The following SBF1 variants were observed in gnomAD, a reference collection of about 807,000 sequenced individuals.
The protein encoded by SBF1 is myotubularin-related protein 5.
Under a neutral mutation model 215.8 loss-of-function variants are expected in SBF1, and 65 were observed. The observed-to-expected ratio is 0.30, with a 90% CI of 0.25 to 0.37. SBF1 has a LOEUF of 0.37. Among genes scored for constraint, SBF1 ranks in the 10% least tolerant of loss-of-function variants. The pLI is 1.00. For synonymous variants in SBF1, 1,410 were observed against 1,122.8 expected, an observed-to-expected ratio of 1.26 and a Z score of -5.11; for missense variants, 2,634 against 2,667.8, an observed-to-expected ratio of 0.99 and a Z score of 0.28.
At chr22:50,473,084 G>C (rs964097314) in intron 1 of SBF1, among the ~76,000 whole-genome samples, 1 of 152,122 alleles carries the variant, frequency 6.6e-6, no homozygotes, top group Non-Finnish European at 1.5e-5. Flanking sequence ...GTCACAGCCA[G>C]CTTGTTGTGG....
rs1478217040 is a variant in SBF1, at chr22:50,446,873, G to A, written c.*269C>T. Reference sequence around the variant, plus strand: ...TCGCCTGCAGCCGCTGGCTGGACCAGCACACGCTGACGGGGCCGGACTATT... The same window carrying A: ...TCGCCTGCAGCCGCTGGCTGGACCAACACACGCTGACGGGGCCGGACTATT... On this transcript the variant is annotated 3_prime_UTR_variant, in exon 41 of 41. Transcript: ENST00000380817. The A allele has an allele frequency of 6.7e-6, 5 of 744,344 alleles. No homozygotes were observed. Among genetic ancestry groups the A allele is most frequent in the South Asian group, 1.4e-5 (1 of 72,268 alleles). 46.1% of individuals were successfully genotyped at this position (744,344 alleles called of 1,614,324 possible). A position where few individuals can be genotyped will look rare whatever the true frequency, so the allele number is the denominator to read the frequency against.
chr22:50,451,166 C>CAAAAAAAA (rs58188399), intron 36 of SBF1, among the ~76,000 whole-genome samples: 13 of 83,182 alleles, frequency 1.6e-4, no homozygotes, highest in African/African-American at 5.3e-4. Flanking sequence ...CCCATCTCTA[C>CAAAAAAAA]AAAAAAAAAA....
chr22:50,467,683 G>T lies in SBF1; in HGVS notation c.287C>A (p.Thr96Lys). Residue 96 changes from threonine to lysine, a missense_variant, in exon 4 of 41, where the codon ACG becomes AAG. Physicochemically the swap from Thr to Lys is moderately conservative, Grantham distance 78 (BLOSUM62 -1). Coordinates refer to ENST00000380817, the MANE Select transcript of SBF1 (RefSeq NM_002972.4). Reference protein sequence around the residue: ...WEPAEPSQETTRVEDATEREE... With the variant: ...WEPAEPSQETKRVEDATEREE... Reference sequence around the variant, plus strand: ...CCTCTCTGTGGCATCCTCCACGCGCGTCGTTTCCTGCTGGGGGTCAGGGGG... The same window carrying T: ...CCTCTCTGTGGCATCCTCCACGCGCTTCGTTTCCTGCTGGGGGTCAGGGGG... The T allele has an allele frequency of 6.2e-7, 1 of 1,611,698 alleles. No homozygotes were observed. The highest frequency in any genetic ancestry group is 8.5e-7 in the Non-Finnish European group (1 of 1,178,916).
chr22:50,449,629 C>CAA (rs1246806638), intron 36 of SBF1, among the ~76,000 whole-genome samples: 1 of 123,798 alleles, frequency 8.1e-6, no homozygotes, highest in Non-Finnish European at 1.9e-5. Flanking sequence ...CACACAAACA[C>CAA]ACACACACAC....
intron 5 of SBF1, 94 bp from the exon 6 acceptor site, chr22:50,466,804 C>G (rs1490923551): frequency 1.2e-6 from 1 of 852,200 alleles, no homozygotes; most frequent in Non-Finnish European, 1.8e-6. Context: ...CCCTGGTGTA[C>G]TGACAGACCC....
rs760939696 is a variant in SBF1 at position 50,460,807 on chromosome 22, TGACA to T, written c.2968-99_2968-96del. On this transcript the variant is annotated intron_variant, in intron 23 of 40. Transcript: ENST00000380817. ...CAGGCTCCCCTTCCCCTCGCAGCCATGACAGAGAGAGAAGCAGGCCCCAGGCAAA... is the reference window on the plus strand; with the variant it reads ...CAGGCTCCCCTTCCCCTCGCAGCCATGAGAGAGAAGCAGGCCCCAGGCAAA... The T allele has an allele frequency of 8.5e-5, 115 of 1,353,988 alleles. 1 individual carries two copies. Among genetic ancestry groups the T allele is most frequent in the Non-Finnish European group, 1.1e-4 (109 of 975,062 alleles). The allele number at this position is 1,353,988 out of a possible 1,614,324, so 83.9% of individuals were successfully genotyped here.
At position 50,447,411 on chromosome 22, in the gene SBF1, C is replaced by A. The variant is rs764921921; in HGVS notation, c.5494G>T (p.Val1832Phe). ...GCCTCCACCTCCGCCAAGTCGATGA[C>A]ACCCTTGCACTCTGTGTCCACACGG... is the stretch of plus-strand genomic sequence containing the variant. ...DHRVDTECKG[V>F]IDLAEVEAVA... The change falls in exon 40 of 41, where the codon GTC becomes TTC. Residue 1832 changes from valine to phenylalanine, a missense_variant. Transcript: ENST00000380817. The A allele has an allele frequency of 1.2e-6, 2 of 1,614,082 alleles. No homozygotes were observed. Among genetic ancestry groups the A allele is most frequent in the South Asian group, 2.2e-5 (2 of 91,084 alleles).
In SBF1 at chr22:50,467,921, A is replaced by C. The variant is rs773077750; in HGVS notation, c.144T>G (p.Phe48Leu). Residue 48 changes from phenylalanine to leucine, a missense_variant and splice_region_variant, in exon 3 of 41, where the codon TTT (phenylalanine) becomes TTG (leucine). Physicochemically the swap from Phe to Leu is conservative, Grantham distance 22. Transcript: ENST00000380817. ...ACAGCTGCCACCCGCTGGGCTGGCA[A>C]AACTGCAGGGAAGGCTCAGCAGTCA... is the stretch of plus-strand genomic sequence containing the variant. Reference protein sequence around the residue: ...DNPFPQGIELFCQPSGWQLCP... With the variant: ...DNPFPQGIELLCQPSGWQLCP... 1 of 1,613,750 alleles carries C rather than the reference A, an allele frequency of 6.2e-7. No homozygotes were observed. The highest frequency in any genetic ancestry group is 1.7e-4 in the Middle Eastern group (1 of 6,050).
At position 50,465,003 on chromosome 22, in the gene SBF1, C is replaced by T. The variant is rs1055574309; in HGVS notation, c.1330G>A (p.Glu444Lys). Reference sequence around the variant, plus strand: ...GGGAGGGCAGGGTGGAGGTGCACCTCATCGAACAGGTCCGTAGGGCGGTAT... The same window carrying T: ...GGGAGGGCAGGGTGGAGGTGCACCTTATCGAACAGGTCCGTAGGGCGGTAT... The part of the protein sequence containing the change: ...VPYRPTDLFD[E>K]LVAHEVARMR... Residue 444 changes from glutamate to lysine, a missense_variant and splice_region_variant, in exon 12 of 41, where the codon GAG (glutamate) becomes AAG (lysine). Physicochemically the swap from Glu to Lys is moderately conservative, Grantham distance 56. Coordinates refer to ENST00000380817, the MANE Select transcript of SBF1 (RefSeq NM_002972.4). The T allele has an allele frequency of 6.2e-7, 1 of 1,613,848 alleles. No homozygotes were observed. Among genetic ancestry groups the T allele is most frequent in the African/African-American group, 1.3e-5 (1 of 74,898 alleles).
intron 28 of SBF1, among the ~76,000 whole-genome samples, chr22:50,458,324 G>A (rs1438794278): frequency 1.7e-5 from 2 of 120,236 alleles, no homozygotes; most frequent in African/African-American, 2.9e-5. Context: ...AAAAAAAAAA[G>A]GTCAGGGCTG....
rs766237897 is a variant in SBF1 at position 50,448,449 on chromosome 22, G to A, written c.5152-5C>T. The A allele has an allele frequency of 1.2e-6, 2 of 1,613,346 alleles. No individual in the cohort carries two copies. The highest frequency in any genetic ancestry group is 8.5e-7 in the Non-Finnish European group (1 of 1,179,674). ...AAGGAGGGAGCTAGGGGTGCCCTGG[G>A]AACAGGAGGTTGGGACTTGGGTCAG... On this transcript the variant is annotated splice_region_variant and splice_polypyrimidine_tract_variant and intron_variant, in intron 37 of 40. Transcript: ENST00000380817.
intron 11 of SBF1, 25 bp downstream of exon 11, chr22:50,465,190 C>T: frequency 6.2e-7 from 1 of 1,612,750 alleles, no homozygotes; most frequent in Non-Finnish European, 8.5e-7. Flanking sequence ...TCTCCTACCC[C>T]ACGCCCAGCC....
At chr22:50,460,984 C>A (rs1194091706) in intron 23 of SBF1, among the ~76,000 whole-genome samples, 175 bp downstream of exon 23, 8 of 152,246 alleles carry the variant, frequency 5.3e-5, no homozygotes, top group African/African-American at 1.9e-4. Flanking sequence ...CCAAAGACCG[C>A]ACATCAAACA....
rs769564056 is a variant in SBF1, at chr22:50,462,727, C to T, written c.1969-10G>A. Reference sequence around the variant, plus strand: ...CCCCCGGGCTCAGCTTCTGCAGGAGCCAGGGGAGAAGGTCAGCTGGATGCA... The same window carrying T: ...CCCCCGGGCTCAGCTTCTGCAGGAGTCAGGGGAGAAGGTCAGCTGGATGCA... On this transcript the variant is annotated splice_polypyrimidine_tract_variant and intron_variant, in intron 17 of 40. Coordinates refer to ENST00000380817, the MANE Select transcript of SBF1 (RefSeq NM_002972.4). The T allele has an allele frequency of 1.5e-5, 24 of 1,610,650 alleles. No individual in the cohort carries two copies. Among genetic ancestry groups the T allele is most frequent in the Non-Finnish European group, 1.9e-5 (22 of 1,178,868 alleles).
chr22:50,450,112 A>G (rs1003054250), intron 36 of SBF1, among the ~76,000 whole-genome samples: 1 of 152,232 alleles, frequency 6.6e-6, no homozygotes, highest in African/African-American at 2.4e-5. Context: ...AGGGAGCACC[A>G]CAGCAAAGGG....
In SBF1 at chr22:50,464,936, G is replaced by A. The variant is rs1444666226; in HGVS notation, c.1333-19C>T. ...CCACCAGCTAGCGGGGTAAGCAGGAGGTTAGGTAAGCCATGGTCAGGCGGA... is the reference window on the plus strand; with the variant it reads ...CCACCAGCTAGCGGGGTAAGCAGGAAGTTAGGTAAGCCATGGTCAGGCGGA... On this transcript the variant is annotated intron_variant, in intron 12 of 40. Coordinates refer to ENST00000380817, the MANE Select transcript of SBF1 (RefSeq NM_002972.4). 3.1e-6 allele frequency: 5 copies of A among 1,613,860 alleles called. No individual in the cohort carries two copies. In the Admixed American group the frequency reaches 8.3e-5, roughly 27 times the overall value.
At chr22:50,455,682 C>T in intron 31 of SBF1, 100 bp from the exon 32 acceptor site, 1 of 968,980 alleles carries the variant, frequency 1.0e-6, no homozygotes, top group Non-Finnish European at 1.6e-6. Context: ...AGCGGGGAGG[C>T]AGGCCCTGTC....
intron 22 of SBF1, 67 bp from the exon 23 acceptor site, chr22:50,461,353 G>A: frequency 1.3e-5 from 20 of 1,550,966 alleles, no homozygotes; most frequent in Non-Finnish European, 1.6e-5. Flanking sequence ...GAATCTCAGG[G>A]TACCACAGTT....
Position 50,447,248 on chromosome 22 carries a change from A to AG in SBF1, c.5584-9dup. 6.2e-7 allele frequency: 1 copy of AG among 1,613,886 alleles called. No individual in the cohort carries two copies. The highest frequency in any genetic ancestry group is 1.3e-5 in the African/African-American group (1 of 75,046). On this transcript the variant is annotated splice_polypyrimidine_tract_variant and intron_variant, in intron 40 of 40. Coordinates refer to ENST00000380817, the MANE Select transcript of SBF1 (RefSeq NM_002972.4). ...GCGACGCGTTGTCTTCACCTGGGGA[A>AG]GGGCGGGTTACTGACTCCGCAGCCC...
Sources: gnomAD v4.1 joint callset for allele counts (sites outside exome capture counted in the v4.1 genomes callset) on GRCh38, gnomAD v4.1.1 for gene constraint, MANE v1.5 for transcripts, NCBI Gene and HGNC (gene_info 2026-07-23, HGNC 2026-07-21) for gene names.